The following SLTM variants were observed in gnomAD, a reference collection of about 807,000 sequenced individuals.
The protein encoded by SLTM is SAFB like transcription modulator, also known as SAFB-like transcription modulator.
In SLTM, 43 loss-of-function variants were observed where a neutral mutation model predicts 134.6. The observed-to-expected ratio is 0.32, with a 90% CI of 0.25 to 0.41. SLTM has a LOEUF of 0.41. Ranked by LOEUF, SLTM falls within the 10% of genes least tolerant of loss-of-function variation. SLTM has a pLI of 1.00. For synonymous variants in SLTM, 424 were observed against 432.3 expected, an observed-to-expected ratio of 0.98 and a Z score of 0.24; for missense variants, 1,055 against 1,288.8, an observed-to-expected ratio of 0.82 and a Z score of 2.78.
intron 16 of SLTM, 185 bp from the exon 17 acceptor site, chr15:58,888,740 G>A (rs1301670513): frequency 2.2e-6 from 1 of 456,722 alleles, no homozygotes; most frequent in South Asian, 5.5e-5. Context: ...AAGTCAAATA[G>A]TGTGAGAGGA....
intron 2 of SLTM, among the ~76,000 whole-genome samples, chr15:58,926,990 C>A (rs77162419): frequency 0.067 from 10,229 of 151,978 alleles, 353 homozygotes; most frequent in African/African-American, 0.079. Context: ...TGAGGTTGGA[C>A]AGTATTCCAG....
intron 3 of SLTM, among the ~76,000 whole-genome samples, chr15:58,914,699 T>A (rs1451505328): frequency 6.6e-6 from 1 of 152,212 alleles, no homozygotes; most frequent in Non-Finnish European, 1.5e-5. Flanking sequence ...CTTTGACCAA[T>A]CTCCTCACTT....
At chr15:58,933,223 C>A (rs1358662874) in intron 1 of SLTM, among the ~76,000 whole-genome samples, 181 bp downstream of exon 1, 2 of 151,524 alleles carry the variant, frequency 1.3e-5, no homozygotes, top group Non-Finnish European at 2.9e-5. Flanking sequence ...GGGCGCGGGG[C>A]GGGGGCACCG....
chr15:58,901,058 T>C (rs2035454691), intron 6 of SLTM: 1 of 545,676 alleles, frequency 1.8e-6, no homozygotes, highest in Admixed American at 3.5e-5. Context: ...TATGTACTAT[T>C]AAGTTGCAAT....
chr15:58,915,152 C>G (rs1318516148), intron 3 of SLTM, among the ~76,000 whole-genome samples: 1 of 152,080 alleles, frequency 6.6e-6, no homozygotes, highest in Non-Finnish European at 1.5e-5. Flanking sequence ...CATCGCACCA[C>G]TGCACTCCAG....
In SLTM at chr15:58,893,951, C is replaced by A; in HGVS notation, c.1518G>T (p.Ser506=). ...QASVKKEEKR[S]SEKSEKKESK... ...TTTCTTTTTTTTCAGATTTCTCAGA[C>A]GATCTTTTCTCTTCTTTTTTGACAG... Residue 506 remains serine (S), a synonymous_variant, in exon 12 of 21, where the codon TCG becomes TCT. Transcript: ENST00000380516. The A allele has an allele frequency of 6.2e-7, 1 of 1,611,646 alleles. No homozygotes were observed. The highest frequency in any genetic ancestry group is 2.2e-5 in the East Asian group (1 of 44,808).
In SLTM at chr15:58,884,165, T is replaced by G. The variant is rs142889431; in HGVS notation, c.2836-379A>C. On this transcript the variant is annotated intron_variant, in intron 19 of 20. Coordinates refer to ENST00000380516, the MANE Select transcript of SLTM (RefSeq NM_024755.4). ...GGTCTCATACCAACTTATATTGGTG[T>G]GCTTTTAATGTCAGAAGCAAATTAA... Among the ~76,000 whole-genome samples the G allele has an allele frequency of 4.1e-4, 62 of 152,016 alleles. 1 individual carries two copies. In the East Asian group the frequency reaches 8.9e-3, roughly 22 times the overall value.
At chr15:58,881,330 G>A (rs575434334) in intron 20 of SLTM, among the ~76,000 whole-genome samples, 3 of 152,210 alleles carry the variant, frequency 2.0e-5, no homozygotes, top group Admixed American at 1.3e-4. Context: ...TTTGAGACCA[G>A]CCTGGCCAAC....
At chr15:58,893,502 A>G (rs1488005399) in intron 12 of SLTM, 138 bp from the exon 13 acceptor site, 5 of 655,548 alleles carry the variant, frequency 7.6e-6, no homozygotes, top group Middle Eastern at 3.8e-4. Context: ...AAGAACTTCA[A>G]TGCAAAGAGT....
In SLTM at chr15:58,933,675, A is replaced by C. The variant is rs1307346351; in HGVS notation, c.-110T>G. On this transcript the variant is annotated 5_prime_UTR_variant, in exon 1 of 21. Coordinates refer to ENST00000380516, the MANE Select transcript of SLTM (RefSeq NM_024755.4). ...CCGCCGGCGCCGCGCAGCGCTGCGC[A>C]CAATGAGCCGCTGGCCCCTCCCCCG... is the stretch of plus-strand genomic sequence containing the variant. 2.3e-6 allele frequency: 3 copies of C among 1,317,702 alleles called. No homozygotes were observed. Among genetic ancestry groups the C allele is most frequent in the East Asian group, 3.2e-5 (1 of 31,410 alleles). 81.6% of individuals were successfully genotyped at this position (1,317,702 alleles called of 1,614,324 possible). A position where few individuals can be genotyped will look rare whatever the true frequency, so the allele number is the denominator to read the frequency against.
chr15:58,900,964 A>G, intron 6 of SLTM: 1 of 293,726 alleles, frequency 3.4e-6, no homozygotes, highest in South Asian at 3.6e-5. Flanking sequence ...AATTTAATCA[A>G]CTTACCGTAT....
At chr15:58,904,774 G>A (rs140291507) in intron 5 of SLTM, among the ~76,000 whole-genome samples, 2,012 of 151,886 alleles carry the variant, frequency 0.013, 45 homozygotes, top group African/African-American at 0.047. Flanking sequence ...GCAGTGGTGC[G>A]ATCTCGGCTA....
intron 1 of SLTM, 109 bp from the exon 2 acceptor site, chr15:58,932,552 GC>G: frequency 1.4e-6 from 1 of 692,286 alleles, no homozygotes; most frequent in Non-Finnish European, 2.4e-6. Flanking sequence ...CATTAGAATT[GC>G]CAGTCATTTC....
intron 14 of SLTM, among the ~76,000 whole-genome samples, chr15:58,892,565 A>G (rs1407042867): frequency 1.3e-5 from 2 of 152,128 alleles, no homozygotes; most frequent in Admixed American, 6.5e-5. Context: ...ACTTGGAGTC[A>G]GAAGACTTGG....
At chr15:58,901,418 A>ACT in intron 5 of SLTM, 131 bp from the exon 6 acceptor site, 1 of 692,398 alleles carries the variant, frequency 1.4e-6, no homozygotes. Flanking sequence ...TAACACTAAC[A>ACT]AATAAATAGG....
At chr15:58,883,876 T>A in intron 19 of SLTM, 90 bp from the exon 20 acceptor site, 1 of 1,418,482 alleles carries the variant, frequency 7.0e-7, no homozygotes, top group South Asian at 1.2e-5. Context: ...GGCAGGCGGA[T>A]CACCTGAGGT....
intron 2 of SLTM, among the ~76,000 whole-genome samples, chr15:58,917,216 C>T (rs2036711650): frequency 1.3e-5 from 2 of 152,222 alleles, no homozygotes; most frequent in Admixed American, 1.3e-4. Context: ...CAGAATCCTA[C>T]ATATGAACCC....
intron 2 of SLTM, among the ~76,000 whole-genome samples, chr15:58,919,017 C>T (rs1215684685): frequency 6.6e-6 from 1 of 151,738 alleles, no homozygotes; most frequent in East Asian, 1.9e-4. Context: ...CGAGTTCAAG[C>T]GATTCTCCTG....
At chr15:58,904,630 T>G (rs2035743140) in intron 5 of SLTM, among the ~76,000 whole-genome samples, 1 of 147,884 alleles carries the variant, frequency 6.8e-6, no homozygotes, top group African/African-American at 2.5e-5. Context: ...TCTGCAAACC[T>G]CTGCCTCCCG....
Sources: allele counts gnomAD v4.1 joint callset (sites outside exome capture counted in the v4.1 genomes callset), GRCh38; gene constraint gnomAD v4.1.1; transcripts MANE v1.5; gene names NCBI Gene and HGNC (gene_info 2026-07-23, HGNC 2026-07-21).